The following ANKHD1 variants were observed in gnomAD, a reference collection of about 807,000 sequenced individuals.
The protein encoded by ANKHD1 is ankyrin repeat and KH domain-containing protein 1.
Under a neutral mutation model 230.5 loss-of-function variants are expected in ANKHD1, and 31 were observed. That is an observed-to-expected ratio of 0.13 (90% CI 0.10 to 0.18). The LOEUF (loss-of-function observed/expected upper bound fraction) is 0.18. Among genes scored for constraint, ANKHD1 ranks in the 10% least tolerant of loss-of-function variants. The pLI is 1.00. For synonymous variants in ANKHD1, 1,074 were observed against 1,117.6 expected, an observed-to-expected ratio of 0.96 and a Z score of 0.78; for missense variants, 2,256 against 3,071.3, an observed-to-expected ratio of 0.73 and a Z score of 6.27.
chr5:140,442,463 TC>T (rs1275146630), intron 5 of ANKHD1, among the ~76,000 whole-genome samples: 3 of 152,234 alleles, frequency 2.0e-5, no homozygotes, highest in Non-Finnish European at 4.4e-5. Context: ...CTGTTTCACC[TC>T]AGATAGTCAG....
chr5:140,438,440 A>G (rs372828745), intron 2 of ANKHD1, 21 bp from the exon 3 acceptor site: 1 of 1,565,232 alleles, frequency 6.4e-7, no homozygotes, highest in Non-Finnish European at 8.7e-7. Context: ...GCACTACCTG[A>G]TTGATTGATG....
intron 1 of ANKHD1, among the ~76,000 whole-genome samples, chr5:140,433,079 G>T (rs1773181070): frequency 6.6e-6 from 1 of 151,590 alleles, no homozygotes; most frequent in Non-Finnish European, 1.5e-5. Flanking sequence ...AAAAACGGGG[G>T]TTTCTTTTGG....
chr5:140,522,345 C>G (rs1753389263), intron 24 of ANKHD1, among the ~76,000 whole-genome samples: 1 of 152,178 alleles, frequency 6.6e-6, no homozygotes, highest in Non-Finnish European at 1.5e-5. Context: ...TGTAGACAGA[C>G]CACATTTTGT....
At chr5:140,512,981 G>T in intron 23 of ANKHD1, 58 bp downstream of exon 23, 1 of 1,473,998 alleles carries the variant, frequency 6.8e-7, no homozygotes, top group Non-Finnish European at 9.2e-7. Context: ...ATATGCCAAA[G>T]TGTGCAGTTA....
rs1044472655 is a variant in ANKHD1, at chr5:140,402,811, C to A, written c.306+538C>A. ...TATTAGGGATCTCTCGGCTTTTACCCTGAAAAATCACGTGACTCCTCCTTC... is the reference window on the plus strand; with the variant it reads ...TATTAGGGATCTCTCGGCTTTTACCATGAAAAATCACGTGACTCCTCCTTC... On this transcript the variant is annotated intron_variant, in intron 1 of 33. Transcript: ENST00000360839. Among the ~76,000 whole-genome samples, 3 of 152,196 alleles carry A rather than the reference C, an allele frequency of 2.0e-5. No individual in the cohort carries two copies. The East Asian group carries it at 5.8e-4, about 29-fold the overall frequency.
intron 29 of ANKHD1, among the ~76,000 whole-genome samples, chr5:140,532,275 A>T (rs1025349610): frequency 6.6e-6 from 1 of 152,096 alleles, no homozygotes; most frequent in African/African-American, 2.4e-5. Context: ...CATTTTACTA[A>T]ATGAAAGAAG....
rs1465228424 is a variant in ANKHD1, at chr5:140,438,739, A to C, written c.617+122A>C. The C allele has an allele frequency of 2.3e-6, 3 of 1,295,372 alleles. No homozygotes were observed. The East Asian group carries it at 7.8e-5, about 34-fold the overall frequency. 80.2% of individuals were successfully genotyped at this position (1,295,372 alleles called of 1,614,324 possible). On this transcript the variant is annotated intron_variant, in intron 3 of 33. Transcript: ENST00000360839. ...TAAACTTTAGCTGAAAGGATATTACATTTTAAGTGGATATATAAATGTATA... is the reference window on the plus strand; with the variant it reads ...TAAACTTTAGCTGAAAGGATATTACCTTTTAAGTGGATATATAAATGTATA...
intron 29 of ANKHD1, chr5:140,532,739 A>G: frequency 2.7e-6 from 1 of 372,524 alleles, no homozygotes; most frequent in Non-Finnish European, 5.3e-6. Context: ...ATTAAATCTC[A>G]GTAAAGCTAT....
At chr5:140,449,416 G>A in intron 7 of ANKHD1, 111 bp downstream of exon 7, 1 of 1,275,604 alleles carries the variant, frequency 7.8e-7, no homozygotes. Flanking sequence ...TGTAATCCCA[G>A]CACTTTGAGA....
At chr5:140,403,878 G>A (rs557224161) in intron 1 of ANKHD1, among the ~76,000 whole-genome samples, 15 of 152,246 alleles carry the variant, frequency 9.9e-5, no homozygotes, top group African/African-American at 3.6e-4. Context: ...GAGGAATAAG[G>A]AGAAATTATT....
intron 9 of ANKHD1, among the ~76,000 whole-genome samples, chr5:140,461,719 G>A (rs1042460950): frequency 3.3e-5 from 5 of 151,884 alleles, no homozygotes; most frequent in Non-Finnish European, 7.4e-5. Flanking sequence ...GAAAATTAAT[G>A]ATTAAAAATG....
Position 140,507,048 on chromosome 5 carries a change from C to T in ANKHD1, c.3551+71C>T, listed in dbSNP as rs1249010271. 9 of 1,560,042 alleles carry T rather than the reference C, an allele frequency of 5.8e-6. No individual in the cohort carries two copies. Among genetic ancestry groups the T allele is most frequent in the South Asian group, 2.4e-5 (2 of 83,708 alleles). ...TTGGACTTAAATGTCTACCTCTTAA[C>T]GTTTAGACAGATACATTTTAAATTA... On this transcript the variant is annotated intron_variant, in intron 19 of 33. Transcript: ENST00000360839. The surrounding 1 kb of genome is among the most constrained non-coding windows in gnomAD (Gnocchi z 4.1).
chr5:140,426,601 G>T (rs1334673655), intron 1 of ANKHD1, among the ~76,000 whole-genome samples: 1 of 151,944 alleles, frequency 6.6e-6, no homozygotes, highest in Non-Finnish European at 1.5e-5. Context: ...ATAGCGGAGG[G>T]AAGGTCAGCA....
chr5:140,500,341 T>C (rs1752232594), intron 15 of ANKHD1, among the ~76,000 whole-genome samples: 1 of 152,120 alleles, frequency 6.6e-6, no homozygotes, highest in African/African-American at 2.4e-5. Flanking sequence ...CCCACCTCTA[T>C]TTTTCTGTTG....
At position 140,524,182 on chromosome 5, in the gene ANKHD1, A is replaced by G. The variant is rs1436898952; in HGVS notation, c.4434A>G (p.Lys1478=). 6.3e-7 allele frequency: 1 copy of G among 1,599,822 alleles called. No individual in the cohort carries two copies. Among genetic ancestry groups the G allele is most frequent in the Non-Finnish European group, 8.5e-7 (1 of 1,176,570 alleles). ...KRKQEEDEEN[K]PKENSELPED... is the part of the protein sequence containing the mutation. The stretch of plus-strand genomic sequence containing the variant: ...AACAGGAAGAAGATGAAGAAAACAA[A>G]CCTAAGGAGAATTCGGAACTACCAG... The change falls in exon 25 of 34, where the codon AAA becomes AAG. Residue 1478 remains lysine (K), a synonymous_variant. Transcript: ENST00000360839.
At chr5:140,497,877 C>CA (rs1198938820) in intron 15 of ANKHD1, among the ~76,000 whole-genome samples, 11 of 144,608 alleles carry the variant, frequency 7.6e-5, no homozygotes, top group Non-Finnish European at 1.7e-4. Flanking sequence ...CCACACCACA[C>CA]CACACACACA....
At chr5:140,510,757 G>T (rs945301991) in intron 22 of ANKHD1, among the ~76,000 whole-genome samples, 2 of 151,960 alleles carry the variant, frequency 1.3e-5, no homozygotes, top group Admixed American at 1.3e-4. Flanking sequence ...GGATTTTTTT[G>T]TGCCTAAAGA....
intron 1 of ANKHD1, among the ~76,000 whole-genome samples, chr5:140,416,914 A>C (rs1156354043): frequency 6.6e-6 from 1 of 151,642 alleles, no homozygotes; most frequent in Non-Finnish European, 1.5e-5. Context: ...ATTGTATTGA[A>C]TCTATAGATT....
chr5:140,492,363 G>A (rs1751845628), intron 14 of ANKHD1, among the ~76,000 whole-genome samples: 1 of 152,144 alleles, frequency 6.6e-6, no homozygotes, highest in African/African-American at 2.4e-5. Context: ...TTAAGTGATT[G>A]CTATGTTAAA....
Sources: gnomAD v4.1 joint callset for allele counts (sites outside exome capture counted in the v4.1 genomes callset) on GRCh38, gnomAD v4.1.1 for gene constraint, Gnocchi (gnomAD v3.1) non-coding constraint, MANE v1.5 for transcripts, NCBI Gene and HGNC (gene_info 2026-07-23, HGNC 2026-07-21) for gene names.